Variants in NRDC observed in about 807,000 individuals in gnomAD.
NRDC encodes nardilysin.
Under a neutral mutation model 147.1 loss-of-function variants are expected in NRDC, and 54 were observed. The ratio of observed to expected loss-of-function variants is 0.37; its 90% CI spans 0.29 to 0.46. The LOEUF (loss-of-function observed/expected upper bound fraction) is 0.46. Among genes scored for constraint, NRDC ranks in the 20% least tolerant of loss-of-function variants. NRDC has a pLI of 1.00. For synonymous variants in NRDC, 440 were observed against 482.1 expected, an observed-to-expected ratio of 0.91 and a Z score of 1.14; for missense variants, 1,082 against 1,370.6, an observed-to-expected ratio of 0.79 and a Z score of 3.33.
chr1:51,858,661 T>C (rs1682380807), intron 1 of NRDC, among the ~76,000 whole-genome samples: 1 of 152,148 alleles, frequency 6.6e-6, no homozygotes, highest in African/African-American at 2.4e-5. Flanking sequence ...ATCTATCCAG[T>C]CTGAGTCCAA....
At chr1:51,868,575 T>C (rs144110202) in intron 1 of NRDC, among the ~76,000 whole-genome samples, 3 of 152,298 alleles carry the variant, frequency 2.0e-5, no homozygotes, top group African/African-American at 7.2e-5. Context: ...ATCTATCATG[T>C]AGTAACAGTA....
At chr1:51,795,326 TA>T (rs1259152005) in intron 22 of NRDC, 1 of 737,404 alleles carries the variant, frequency 1.4e-6, no homozygotes, top group Non-Finnish European at 1.9e-6. Context: ...AGCTCTTCTC[TA>T]AAGTGATTTC....
intron 11 of NRDC, 49 bp downstream of exon 11, chr1:51,816,263 A>AT (rs1679962244): frequency 1.6e-6 from 2 of 1,243,790 alleles, no homozygotes; most frequent in African/African-American, 3.0e-5. Flanking sequence ...ATTGTCTACT[A>AT]TTTTTCAGAG....
chr1:51,819,719 A>G (rs1425437183), intron 9 of NRDC, 81 bp downstream of exon 9: 9 of 1,099,880 alleles, frequency 8.2e-6, no homozygotes, highest in Admixed American at 2.2e-5. Flanking sequence ...CTCATTTTCA[A>G]TGAAAATTGG....
At chr1:51,819,924 G>A (rs767695407) in intron 8 of NRDC, 51 bp from the exon 9 acceptor site, 2 of 1,352,834 alleles carry the variant, frequency 1.5e-6, no homozygotes, top group African/African-American at 2.9e-5. Context: ...GCCTTTATAA[G>A]CAATATCTTT....
intron 4 of NRDC, among the ~76,000 whole-genome samples, chr1:51,829,936 G>A (rs1431521864): frequency 1.3e-5 from 2 of 149,062 alleles, no homozygotes. Context: ...CTTATTCCTT[G>A]CAAGTATATT....
At chr1:51,870,653 C>T (rs1419440273) in intron 1 of NRDC, among the ~76,000 whole-genome samples, 1 of 152,144 alleles carries the variant, frequency 6.6e-6, no homozygotes, top group East Asian at 1.9e-4. Flanking sequence ...ATACTCGTTA[C>T]TTCCTTCACT....
chr1:51,831,726 G>GTA (rs1557917061), intron 4 of NRDC, among the ~76,000 whole-genome samples: 1 of 151,276 alleles, frequency 6.6e-6, no homozygotes, highest in Non-Finnish European at 1.5e-5. Flanking sequence ...TTACAGGCCT[G>GTA]CGCCACCACA....
chr1:51,789,279 G>A lies in NRDC; in HGVS notation c.3413C>T (p.Thr1138Ile). 5 of 1,614,176 alleles carry A rather than the reference G, an allele frequency of 3.1e-6. No homozygotes were observed. Among genetic ancestry groups the A allele is most frequent in the Non-Finnish European group, 4.2e-6 (5 of 1,179,992 alleles). Residue 1138 changes from threonine to isoleucine, a missense_variant, in exon 31 of 31, where the codon ACA becomes ATA. Physicochemically the swap from Thr to Ile is moderately conservative, Grantham distance 89 (BLOSUM62 -1). Coordinates refer to ENST00000352171, the MANE Select transcript of NRDC (RefSeq NM_001101662.2). ...IIPITDIRAFTTTLNLLPYHK... is the reference protein window; with the variant it reads ...IIPITDIRAFITTLNLLPYHK... ...GTAGGGGAGAAGGTTGAGTGTTGTT[G>A]TGAAAGCCCTGATATCAGTAATGGG...
intron 5 of NRDC, among the ~76,000 whole-genome samples, chr1:51,826,192 A>C (rs1680436602): frequency 6.6e-6 from 1 of 152,206 alleles, no homozygotes; most frequent in Non-Finnish European, 1.5e-5. Context: ...AAATGGACTA[A>C]AAACCGCTAG....
At position 51,819,781 on chromosome 1, in the gene NRDC, A is replaced by C. The variant is rs1680131709; in HGVS notation, c.1291+19T>G. The C allele has an allele frequency of 3.8e-6, 6 of 1,579,172 alleles. No homozygotes were observed. The highest frequency in any genetic ancestry group is 4.3e-6 in the Non-Finnish European group (5 of 1,155,782). Reference sequence around the variant, plus strand: ...TGCTAACATTATTTCAAACAGTTTTAAACTTTTGGTTCACAAACCTCTATA... The same window carrying C: ...TGCTAACATTATTTCAAACAGTTTTCAACTTTTGGTTCACAAACCTCTATA... On this transcript the variant is annotated intron_variant, in intron 9 of 30. Transcript: ENST00000352171.
chr1:51,798,443 G>A (rs762006941), intron 21 of NRDC, 32 bp from the exon 22 acceptor site: 25 of 1,536,816 alleles, frequency 1.6e-5, no homozygotes, highest in Non-Finnish European at 2.2e-5. Context: ...AACACTCAAA[G>A]TTTTGTTATT....
chr1:51,807,795 A>C (rs1234230006), intron 17 of NRDC, among the ~76,000 whole-genome samples: 4 of 141,416 alleles, frequency 2.8e-5, no homozygotes, highest in Non-Finnish European at 6.1e-5. Flanking sequence ...GATAATTAAT[A>C]CTTTTTTTTT....
Position 51,836,115 on chromosome 1 carries a change from T to C in NRDC, c.712+16A>G, listed in dbSNP as rs201506362. ...GGAAAAAAACACACCAGGAATGATA[T>C]TTTACAAATTCTTACTGTGCTCCAA... On this transcript the variant is annotated intron_variant, in intron 3 of 30. Transcript: ENST00000352171. 3.7e-4 allele frequency: 589 copies of C among 1,608,950 alleles called. No individual in the cohort carries two copies. The highest frequency in any genetic ancestry group is 2.0e-3 in the Admixed American group (119 of 59,958).
rs1679618198 is a variant in NRDC at position 51,809,556 on chromosome 1, CAA to C, written c.1904-157_1904-156del. Among the ~76,000 whole-genome samples, 4 of 152,286 alleles carry C rather than the reference CAA, an allele frequency of 2.6e-5. No individual in the cohort carries two copies. In the South Asian group the frequency reaches 8.3e-4, roughly 32 times the overall value. On this transcript the variant is annotated intron_variant, in intron 16 of 30. Coordinates refer to ENST00000352171, the MANE Select transcript of NRDC (RefSeq NM_001101662.2). ...CCAGGCATTCTAGAATCGTGCTACT[CAA>C]AGTGTGGTCCTAGCAGCACTGGCAT...
chr1:51,803,757 T>G (rs984532020), intron 20 of NRDC, 57 bp downstream of exon 20: 2 of 1,418,472 alleles, frequency 1.4e-6, no homozygotes, highest in South Asian at 2.6e-5. Flanking sequence ...CACAAACCTC[T>G]AAATAAATAT....
chr1:51,812,048 G>A lies in NRDC; in HGVS notation c.1725C>T (p.Tyr575=), dbSNP rs764450044. 6.2e-7 allele frequency: 1 copy of A among 1,613,946 alleles called. No homozygotes were observed. Among genetic ancestry groups the A allele is most frequent in the South Asian group, 1.1e-5 (1 of 91,080 alleles). The change falls in exon 15 of 31, where the codon TAC becomes TAT. Residue 575 remains tyrosine (Y), a synonymous_variant. Transcript: ENST00000352171. Reference sequence around the variant, plus strand: ...CTCCAGTGAGAATGTCCTGCAATGGGTACAGCTGCATGTTCTCACACATGT... The same window carrying A: ...CTCCAGTGAGAATGTCCTGCAATGGATACAGCTGCATGTTCTCACACATGT... ...VENMCENMQL[Y]PLQDILTGDQ... is the part of the protein sequence containing the mutation.
chr1:51,864,646 T>A (rs1322976623), intron 1 of NRDC, among the ~76,000 whole-genome samples: 7 of 152,212 alleles, frequency 4.6e-5, no homozygotes, highest in South Asian at 2.1e-4. Flanking sequence ...TATTTTTTTT[T>A]AAATAGTAAT....
chr1:51,810,583 C>T (rs1679671069), intron 15 of NRDC, among the ~76,000 whole-genome samples, 179 bp from the exon 16 acceptor site: 1 of 152,184 alleles, frequency 6.6e-6, no homozygotes, highest in African/African-American at 2.4e-5. Flanking sequence ...TTTTTTCCTA[C>T]TTTATTGAGG....
Sources: allele counts gnomAD v4.1 joint callset (sites outside exome capture counted in the v4.1 genomes callset), GRCh38; gene constraint gnomAD v4.1.1; transcripts MANE v1.5; gene names NCBI Gene and HGNC (gene_info 2026-07-23, HGNC 2026-07-21).